Variants in RB1 observed in about 807,000 individuals in gnomAD.
RB1 encodes retinoblastoma-associated protein.
A neutral mutation model predicts 135.4 loss-of-function variants in RB1; 18 were observed. That is an observed-to-expected ratio of 0.13 (90% confidence interval 0.09 to 0.20). The LOEUF (loss-of-function observed/expected upper bound fraction) is 0.20, where lower values mean the gene tolerates loss of function less well. RB1 is among the 10% of genes least tolerant of loss of function. The probability of loss-of-function intolerance (pLI) is 1.00; values close to 1 mark genes in which losing one functional copy is unlikely to be tolerated. For synonymous variants in RB1, 365 were observed against 373.2 expected, an observed-to-expected ratio of 0.98 and a Z score of 0.25; for missense variants, 868 against 1,110.0, an observed-to-expected ratio of 0.78 and a Z score of 3.10.
intron 11 of RB1, among the ~76,000 whole-genome samples, chr13:48,369,071 T>A (rs1218943760): frequency 6.6e-6 from 1 of 152,180 alleles, no homozygotes; most frequent in Non-Finnish European, 1.5e-5. Flanking sequence ...GAAGATATGG[T>A]TATTGGACCT....
At chr13:48,344,363 A>G (rs1443143046) in intron 3 of RB1, among the ~76,000 whole-genome samples, 1 of 152,166 alleles carries the variant, frequency 6.6e-6, no homozygotes, top group Non-Finnish European at 1.5e-5. Context: ...AGGATGTTAG[A>G]GTCAAAGTAG....
chr13:48,379,702 C>T, intron 14 of RB1, 52 bp downstream of exon 14: 1 of 1,572,970 alleles, frequency 6.4e-7, no homozygotes, highest in South Asian at 1.1e-5. Flanking sequence ...TGGCTCACGC[C>T]TGCAATCCCA....
intron 23 of RB1, among the ~76,000 whole-genome samples, chr13:48,472,008 A>G (rs1949474019): frequency 6.6e-6 from 1 of 152,204 alleles, no homozygotes; most frequent in African/African-American, 2.4e-5. Flanking sequence ...GTTGTATGCA[A>G]CTACAAATCA....
intron 24 of RB1, 102 bp downstream of exon 24, chr13:48,473,492 C>T: frequency 6.2e-6 from 6 of 965,408 alleles, no homozygotes; most frequent in Non-Finnish European, 9.8e-6. Context: ...TATTCAAACA[C>T]CTCATCCAGG....
At chr13:48,356,564 C>T (rs543557504) in intron 6 of RB1, among the ~76,000 whole-genome samples, 1 of 152,106 alleles carries the variant, frequency 6.6e-6, no homozygotes, top group South Asian at 2.1e-4. Context: ...TTACTATCTT[C>T]ACTCTTCCTG....
At chr13:48,308,457 A>AG (rs1952104863) in intron 2 of RB1, among the ~76,000 whole-genome samples, 2 of 152,206 alleles carry the variant, frequency 1.3e-5, no homozygotes, top group Admixed American at 1.3e-4. Context: ...GTTCTAGACC[A>AG]GCCTGGCCAA....
intron 21 of RB1, among the ~76,000 whole-genome samples, chr13:48,464,038 C>T (rs1949421611): frequency 6.6e-6 from 1 of 152,016 alleles, no homozygotes; most frequent in African/African-American, 2.4e-5. Flanking sequence ...TGAAATTACC[C>T]ATATTCATAG....
At chr13:48,416,018 C>T (rs1182094656) in intron 17 of RB1, among the ~76,000 whole-genome samples, 1 of 152,162 alleles carries the variant, frequency 6.6e-6, no homozygotes, top group Non-Finnish European at 1.5e-5. Flanking sequence ...TTGATAAACT[C>T]AGGCAAACTG....
intron 2 of RB1, among the ~76,000 whole-genome samples, chr13:48,330,364 A>G (rs1408015251): frequency 6.6e-6 from 1 of 152,116 alleles, no homozygotes; most frequent in African/African-American, 2.4e-5. Flanking sequence ...AAACAATAGA[A>G]AAGAGCAACA....
At chr13:48,422,510 A>G (rs995376348) in intron 17 of RB1, 2 of 152,258 alleles carry the variant, frequency 1.3e-5, no homozygotes, top group African/African-American at 4.8e-5. Context: ...TACTTAAAGT[A>G]TAATACTTTT....
intron 17 of RB1, among the ~76,000 whole-genome samples, chr13:48,421,014 T>C (rs956167770): frequency 6.6e-6 from 1 of 152,194 alleles, no homozygotes; most frequent in African/African-American, 2.4e-5. Context: ...TTGACTTCCT[T>C]TATAAAATTA....
Position 48,461,968 on chromosome 13 carries a change from G to A in RB1, c.2107-1763G>A, listed in dbSNP as rs576135222. On this transcript the variant is annotated intron_variant, in intron 20 of 26. Transcript: ENST00000267163. The stretch of plus-strand genomic sequence containing the variant: ...CTGCCTCAGCCTCCTGAGTAGCTGG[G>A]ATTACAGGTGTGTGCCACCACACCT... Among the ~76,000 whole-genome samples the A allele has an allele frequency of 1.6e-4, 24 of 152,228 alleles. No individual in the cohort carries two copies. The South Asian group carries it at 2.5e-3, about 16-fold the overall frequency.
chr13:48,411,159 A>C (rs906785127), intron 17 of RB1: 1 of 407,792 alleles, frequency 2.5e-6, no homozygotes, highest in African/African-American at 2.0e-5. Flanking sequence ...GATTTTTTTT[A>C]ATGAAGGAAC....
At chr13:48,407,515 G>C (rs933472829) in intron 17 of RB1, among the ~76,000 whole-genome samples, 2 of 152,144 alleles carry the variant, frequency 1.3e-5, no homozygotes, top group African/African-American at 2.4e-5. Flanking sequence ...CTGACATCAA[G>C]TAAAAATGAT....
chr13:48,311,581 A>G (rs991682498), intron 2 of RB1, among the ~76,000 whole-genome samples: 1 of 144,026 alleles, frequency 6.9e-6, no homozygotes, highest in Admixed American at 6.8e-5. Context: ...GAAAAGGTAC[A>G]GTAGATCATC....
intron 20 of RB1, among the ~76,000 whole-genome samples, chr13:48,462,440 A>T (rs1439243626): frequency 5.3e-5 from 8 of 152,194 alleles, no homozygotes; most frequent in African/African-American, 1.9e-4. Flanking sequence ...ATTTTTTAAT[A>T]GAGTTATTTG....
At chr13:48,410,863 T>C (rs1049950350) in intron 17 of RB1, among the ~76,000 whole-genome samples, 1 of 152,292 alleles carries the variant, frequency 6.6e-6, no homozygotes, top group East Asian at 1.9e-4. Flanking sequence ...TCATCATTTC[T>C]ACAGAAGACT....
intron 17 of RB1, among the ~76,000 whole-genome samples, chr13:48,422,178 T>C (rs537075253): frequency 6.6e-6 from 1 of 152,296 alleles, no homozygotes; most frequent in African/African-American, 2.4e-5. Flanking sequence ...CATCGAATAC[T>C]ATGCAGCCAT....
intron 2 of RB1, among the ~76,000 whole-genome samples, chr13:48,310,705 G>A (rs2138039467): frequency 6.6e-6 from 1 of 152,144 alleles, no homozygotes; most frequent in South Asian, 2.1e-4. Flanking sequence ...ATGCATTGTA[G>A]TGATTTTGAT....
Sources: allele counts gnomAD v4.1 joint callset (sites outside exome capture counted in the v4.1 genomes callset), GRCh38; gene constraint gnomAD v4.1.1; transcripts MANE v1.5; gene names NCBI Gene and HGNC (gene_info 2026-07-23, HGNC 2026-07-21).